Variants in ADARB1 observed in about 807,000 individuals in gnomAD.
ADARB1 encodes the protein double-stranded RNA-specific editase 1.
Under a neutral mutation model 52.4 loss-of-function variants are expected in ADARB1, and 10 were observed. That is an observed-to-expected ratio of 0.19 (90% confidence interval 0.12 to 0.32). The LOEUF is 0.32. Ranked by LOEUF, ADARB1 falls within the 10% of genes least tolerant of loss-of-function variation. The pLI is 1.00. For missense variants in ADARB1, 643 were observed against 922.3 expected (o/e 0.70, Z 3.92); for synonymous variants, 349 against 371.1 (o/e 0.94, Z 0.68).
Position 45,190,532 on chromosome 21 carries a change from C to A in ADARB1, c.1565+5441C>A, listed in dbSNP as rs181798571. Reference sequence around the variant, plus strand: ...CTTGTATGCCTTGTTTATTTGTGTGCTTTGCTAATATTTGGGCATTTGAAA... The same window carrying A: ...CTTGTATGCCTTGTTTATTTGTGTGATTTGCTAATATTTGGGCATTTGAAA... On this transcript the variant is annotated intron_variant, in intron 8 of 10. Transcript: ENST00000348831. 1.6e-4 allele frequency among the ~76,000 whole-genome samples: 25 copies of A among 152,176 alleles called. No individual in the cohort carries two copies. The East Asian group carries it at 4.4e-3, about 27-fold the overall frequency.
chr21:45,223,979 G>A lies in ADARB1; in HGVS notation c.*1782G>A, dbSNP rs2093011703. The A allele has an allele frequency of 4.1e-6, 4 of 985,320 alleles. No individual in the cohort carries two copies. Among genetic ancestry groups the A allele is most frequent in the Non-Finnish European group, 4.8e-6 (4 of 829,962 alleles). The allele number at this position is 985,320 out of a possible 1,614,324, so 61.0% of individuals were successfully genotyped here. On this transcript the variant is annotated 3_prime_UTR_variant, in exon 11 of 11. Transcript: ENST00000348831. ...TGAAGCAGTCACAGCAGGCGTCTCT[G>A]CCGCTCCGTCACCACAGTGGGGTTT...
At chr21:45,087,911 G>A (rs2086410719) in intron 1 of ADARB1, among the ~76,000 whole-genome samples, 1 of 152,212 alleles carries the variant, frequency 6.6e-6, no homozygotes, top group South Asian at 2.1e-4. Flanking sequence ...TTTTTTCTCA[G>A]TGTTAATGGT....
chr21:45,164,731 A>G (rs1238139211), intron 2 of ADARB1, among the ~76,000 whole-genome samples: 2 of 152,126 alleles, frequency 1.3e-5, no homozygotes, highest in African/African-American at 2.4e-5. Flanking sequence ...TTTTATTTAT[A>G]AGGACATAAC....
At chr21:45,106,763 G>A (rs2087278373) in intron 1 of ADARB1, among the ~76,000 whole-genome samples, 1 of 152,206 alleles carries the variant, frequency 6.6e-6, no homozygotes, top group African/African-American at 2.4e-5. Context: ...CTTTTGGGGT[G>A]CAAATTTGTC....
intron 2 of ADARB1, among the ~76,000 whole-genome samples, chr21:45,162,204 C>T (rs576747369): frequency 3.9e-5 from 6 of 152,186 alleles, no homozygotes; most frequent in Admixed American, 6.5e-5. Context: ...TGGGGCCCTG[C>T]GGTTCCTGGT....
Position 45,142,899 on chromosome 21 carries a change from G to T in ADARB1, c.-48+14326G>T, listed in dbSNP as rs953978038. Among the ~76,000 whole-genome samples, 1 of 152,112 alleles carries T rather than the reference G, an allele frequency of 6.6e-6. No homozygotes were observed. ...GGGACCAGCTAGTGACTCTGTGCTG[G>T]TTACTACTTTACCAACACCATGGCC... is the stretch of plus-strand genomic sequence containing the variant. On this transcript the variant is annotated intron_variant, in intron 2 of 10. Coordinates refer to ENST00000348831, the MANE Select transcript of ADARB1 (RefSeq NM_001112.4). This position sits in a 1 kb window ranked among gnomAD's most constrained non-coding sequence, Gnocchi z 4.0.
chr21:45,197,099 AC>A (rs1203225083), intron 8 of ADARB1, among the ~76,000 whole-genome samples: 1 of 152,090 alleles, frequency 6.6e-6, no homozygotes, highest in African/African-American at 2.4e-5. Context: ...AATCACTCAA[AC>A]CCAGGAGGCG....
intron 9 of ADARB1, among the ~76,000 whole-genome samples, chr21:45,209,349 T>C (rs1311174556): frequency 6.6e-6 from 1 of 152,264 alleles, no homozygotes; most frequent in African/African-American, 2.4e-5. Flanking sequence ...CTGTAGCCAG[T>C]GCTCCTGCCC....
Position 45,224,302 on chromosome 21 carries a change from A to C in ADARB1, c.*2105A>C. ...TCAGGTAATAGCTAAAGTCAGCATGATTGCTCCCTGTACCACCCCAAATAA... is the reference window on the plus strand; with the variant it reads ...TCAGGTAATAGCTAAAGTCAGCATGCTTGCTCCCTGTACCACCCCAAATAA... On this transcript the variant is annotated 3_prime_UTR_variant, in exon 11 of 11. Coordinates refer to ENST00000348831, the MANE Select transcript of ADARB1 (RefSeq NM_001112.4). 1.0e-6 allele frequency: 1 copy of C among 985,492 alleles called. No homozygotes were observed. Among genetic ancestry groups the C allele is most frequent in the Non-Finnish European group, 1.2e-6 (1 of 830,010 alleles). 61.0% of individuals were successfully genotyped at this position (985,492 alleles called of 1,614,324 possible).
At chr21:45,180,923 T>C (rs1371426894) in intron 5 of ADARB1, among the ~76,000 whole-genome samples, 1 of 152,136 alleles carries the variant, frequency 6.6e-6, no homozygotes, top group Non-Finnish European at 1.5e-5. Context: ...TAAATTAGTC[T>C]AGAAGTTCCC....
chr21:45,206,230 T>C (rs1333929784), intron 9 of ADARB1, among the ~76,000 whole-genome samples: 1 of 152,262 alleles, frequency 6.6e-6, no homozygotes, highest in Non-Finnish European at 1.5e-5. Flanking sequence ...TTTATATGCA[T>C]AGATACTTAA....
intron 4 of ADARB1, among the ~76,000 whole-genome samples, chr21:45,178,782 A>C (rs1194628121): frequency 6.6e-6 from 1 of 152,034 alleles, no homozygotes; most frequent in Admixed American, 6.6e-5. Flanking sequence ...CTGTCCCCCA[A>C]ATTAAGAGGG....
chr21:45,110,767 T>A (rs1415760054), intron 1 of ADARB1, among the ~76,000 whole-genome samples: 1 of 152,244 alleles, frequency 6.6e-6, no homozygotes, highest in African/African-American at 2.4e-5. Flanking sequence ...ATAAACATTT[T>A]AATCAGATCT....
intron 1 of ADARB1, among the ~76,000 whole-genome samples, chr21:45,082,321 A>C (rs1269692301): frequency 6.6e-6 from 1 of 152,222 alleles, no homozygotes; most frequent in African/African-American, 2.4e-5. Flanking sequence ...TAATACACCT[A>C]ACCTTCAAAA....
At chr21:45,212,383 A>G (rs529809708) in intron 9 of ADARB1, among the ~76,000 whole-genome samples, 9 of 152,308 alleles carry the variant, frequency 5.9e-5, no homozygotes, top group East Asian at 3.9e-4. Context: ...AACTCAGAAC[A>G]TGCAGGCAGG....
rs530979314 is a variant in ADARB1 at position 45,183,802 on chromosome 21, C to G, written c.1396+292C>G. Among the ~76,000 whole-genome samples the G allele has an allele frequency of 5.3e-5, 8 of 152,220 alleles. No individual in the cohort carries two copies. The East Asian group carries it at 1.5e-3, about 29-fold the overall frequency. ...ATTTGGGTAATAAATATCTCTAAATCAGAGGTGTATGTGATCCTCCATATT... is the reference window on the plus strand; with the variant it reads ...ATTTGGGTAATAAATATCTCTAAATGAGAGGTGTATGTGATCCTCCATATT... On this transcript the variant is annotated intron_variant, in intron 7 of 10. Coordinates refer to ENST00000348831, the MANE Select transcript of ADARB1 (RefSeq NM_001112.4).
chr21:45,131,107 A>C (rs1224091910), intron 2 of ADARB1, among the ~76,000 whole-genome samples: 1 of 152,250 alleles, frequency 6.6e-6, no homozygotes, highest in Non-Finnish European at 1.5e-5. Context: ...GTTAAAAAGC[A>C]GTGTCATGCT....
At chr21:45,090,060 G>A (rs2086502375) in intron 1 of ADARB1, among the ~76,000 whole-genome samples, 1 of 152,060 alleles carries the variant, frequency 6.6e-6, no homozygotes, top group African/African-American at 2.4e-5. Flanking sequence ...TAGTTGTTTT[G>A]TACATACCCT....
At chr21:45,077,148 T>C (rs1190995974) in intron 1 of ADARB1, among the ~76,000 whole-genome samples, 1 of 152,136 alleles carries the variant, frequency 6.6e-6, no homozygotes, top group Middle Eastern at 3.2e-3. Flanking sequence ...ACTAATTAGT[T>C]ATTATCAAAA....
Sources: allele counts gnomAD v4.1 joint callset (sites outside exome capture counted in the v4.1 genomes callset), GRCh38; gene constraint gnomAD v4.1.1; non-coding constraint Gnocchi (gnomAD v3.1); transcripts MANE v1.5; gene names NCBI Gene and HGNC (gene_info 2026-07-23, HGNC 2026-07-21).